Variants in SLC44A1 observed in about 807,000 individuals in gnomAD.
SLC44A1 encodes the protein solute carrier family 44 member 1.
In SLC44A1, 26 loss-of-function variants were observed where a neutral mutation model predicts 79.3. The ratio of observed to expected loss-of-function variants is 0.33; its 90% confidence interval spans 0.24 to 0.46. The LOEUF (loss-of-function observed/expected upper bound fraction) is 0.46. Among genes scored for constraint, SLC44A1 ranks in the 20% least tolerant of loss-of-function variants. The probability of loss-of-function intolerance (pLI) is 1.00; values close to 1 mark genes in which losing one functional copy is unlikely to be tolerated. For missense variants in SLC44A1, 688 were observed against 798.1 expected, an observed-to-expected ratio of 0.86 and a Z score of 1.66; for synonymous variants, 263 against 286.2, an observed-to-expected ratio of 0.92 and a Z score of 0.82.
At chr9:105,432,075 G>C (rs6477444) in intron 15 of SLC44A1, among the ~76,000 whole-genome samples, 19,123 of 152,124 alleles carry the variant, frequency 0.13, 3,157 homozygotes, top group African/African-American at 0.39. Context: ...GCATGCGCCA[G>C]CACTCCTGGC....
At chr9:105,416,582 A>G (rs1829174517) in intron 15 of SLC44A1, among the ~76,000 whole-genome samples, 1 of 152,198 alleles carries the variant, frequency 6.6e-6, no homozygotes. Context: ...AAGTTCCCAG[A>G]AAAGAGACTG....
chr9:105,409,657 C>A (rs1588874166), intron 15 of SLC44A1, among the ~76,000 whole-genome samples: 1 of 152,090 alleles, frequency 6.6e-6, no homozygotes, highest in Non-Finnish European at 1.5e-5. Flanking sequence ...TGCACTCCAG[C>A]CTTGGTGACA....
intron 3 of SLC44A1, among the ~76,000 whole-genome samples, chr9:105,317,190 C>G (rs999320410): frequency 6.6e-6 from 1 of 152,026 alleles, no homozygotes; most frequent in South Asian, 2.1e-4. Flanking sequence ...GCTCATGACT[C>G]CCATCCTCCA....
At chr9:105,252,477 C>G (rs1489579859) in intron 1 of SLC44A1, among the ~76,000 whole-genome samples, 4 of 152,286 alleles carry the variant, frequency 2.6e-5, no homozygotes, top group Admixed American at 2.0e-4. Context: ...CTTTGGAAGA[C>G]TCTTAACAGC....
At chr9:105,360,408 A>G (rs950167717) in intron 7 of SLC44A1, among the ~76,000 whole-genome samples, 2 of 151,990 alleles carry the variant, frequency 1.3e-5, no homozygotes, top group African/African-American at 4.8e-5. Flanking sequence ...TTGTTTCCCT[A>G]TTATTATATA....
intron 15 of SLC44A1, among the ~76,000 whole-genome samples, chr9:105,426,885 G>A (rs7027252): frequency 0.13 from 18,942 of 150,742 alleles, 3,124 homozygotes; most frequent in African/African-American, 0.39. Context: ...TGACCCAAAG[G>A]TAAAGACAAG....
intron 4 of SLC44A1, among the ~76,000 whole-genome samples, chr9:105,345,378 C>T (rs753463869): frequency 1.4e-4 from 21 of 152,096 alleles, no homozygotes; most frequent in South Asian, 2.1e-4. Flanking sequence ...CAGAAAGTAC[C>T]TGGTGGAACT....
chr9:105,305,843 C>CTTTTTTT (rs748755778), intron 2 of SLC44A1, among the ~76,000 whole-genome samples: 3 of 84,968 alleles, frequency 3.5e-5, no homozygotes, highest in Non-Finnish European at 6.3e-5. Flanking sequence ...AAAGTGTGTC[C>CTTTTTTT]TTTTTTTTTT....
chr9:105,337,166 CA>C (rs1401813059), intron 4 of SLC44A1, among the ~76,000 whole-genome samples: 1 of 151,974 alleles, frequency 6.6e-6, no homozygotes, highest in Non-Finnish European at 1.5e-5. Flanking sequence ...AGGGTTTTTC[CA>C]GAATTTTAGA....
chr9:105,271,814 A>G (rs1044128242), intron 1 of SLC44A1, among the ~76,000 whole-genome samples: 2 of 151,968 alleles, frequency 1.3e-5, no homozygotes, highest in African/African-American at 2.4e-5. Flanking sequence ...GGGTTTCGCT[A>G]TGTTGGCCAG....
At chr9:105,309,642 A>G (rs541581812) in intron 2 of SLC44A1, 82 bp from the exon 3 acceptor site, 1 of 1,292,570 alleles carries the variant, frequency 7.7e-7, no homozygotes, top group Non-Finnish European at 1.1e-6. Context: ...AGCAGACAAA[A>G]AGAAGCTCAT....
At chr9:105,348,817 C>A (rs1466440048) in intron 5 of SLC44A1, among the ~76,000 whole-genome samples, 1 of 151,918 alleles carries the variant, frequency 6.6e-6, no homozygotes, top group Non-Finnish European at 1.5e-5. Flanking sequence ...TTTGATTTAT[C>A]CTAGTAATAT....
intron 15 of SLC44A1, among the ~76,000 whole-genome samples, chr9:105,404,233 C>CAAAAA (rs71489339): frequency 4.3e-4 from 19 of 44,348 alleles, no homozygotes; most frequent in African/African-American, 7.9e-4. Flanking sequence ...GGACTCATCT[C>CAAAAA]AAAAAAAAAA....
Position 105,392,417 on chromosome 9 carries a change from T to C in SLC44A1, c.*3361T>C. The C allele has an allele frequency of 1.0e-6, 1 of 978,746 alleles. No homozygotes were observed. The highest frequency in any genetic ancestry group is 1.2e-6 in the Non-Finnish European group (1 of 827,194). 60.6% of individuals were successfully genotyped at this position (978,746 alleles called of 1,614,324 possible). ...TCTCTCTCTCTCTTTTTTTTTTTTT[T>C]TTTTTTTTTTTTTCCGTGAGGGCAT... On this transcript the variant is annotated 3_prime_UTR_variant, in exon 16 of 16. Transcript: ENST00000374720.
chr9:105,378,786 A>G (rs1319529084), intron 13 of SLC44A1, among the ~76,000 whole-genome samples: 34 of 152,186 alleles, frequency 2.2e-4, no homozygotes, highest in African/African-American at 7.2e-5. Context: ...AGAGTTTTTC[A>G]TTACAATTCA....
In SLC44A1 at chr9:105,425,863, C is replaced by A. The variant is rs1047012736; in HGVS notation, c.1951-12418C>A. The stretch of plus-strand genomic sequence containing the variant: ...ACAAAAAACCCTGTATATTTGGGAG[C>A]CTTGAGGCAGAAAATTCTTACTGGA... On this transcript the variant is annotated intron_variant, in intron 15 of 15. Coordinates refer to the SLC44A1 transcript ENST00000374724. Among the ~76,000 whole-genome samples the A allele has an allele frequency of 3.9e-5, 6 of 152,146 alleles. No individual in the cohort carries two copies. In the East Asian group the frequency reaches 1.2e-3, roughly 29 times the overall value.
intron 2 of SLC44A1, among the ~76,000 whole-genome samples, chr9:105,307,807 C>T (rs1831073049): frequency 6.6e-6 from 1 of 152,062 alleles, no homozygotes; most frequent in African/African-American, 2.4e-5. Flanking sequence ...AATATGTATG[C>T]AGAGGATTAA....
At chr9:105,415,520 A>G (rs928440784) in intron 15 of SLC44A1, among the ~76,000 whole-genome samples, 1 of 152,100 alleles carries the variant, frequency 6.6e-6, no homozygotes, top group African/African-American at 2.4e-5. Flanking sequence ...TTCCAGCTGG[A>G]GCAGGATTTT....
intron 9 of SLC44A1, 128 bp downstream of exon 9, chr9:105,363,135 G>A (rs1827832478): frequency 1.4e-6 from 1 of 701,880 alleles, no homozygotes; most frequent in Non-Finnish European, 2.4e-6. Flanking sequence ...AACTTGTAGT[G>A]GTTATGGCTC....
Sources: allele counts gnomAD v4.1 joint callset (sites outside exome capture counted in the v4.1 genomes callset), GRCh38; gene constraint gnomAD v4.1.1; transcripts MANE v1.5; gene names NCBI Gene and HGNC (gene_info 2026-07-23, HGNC 2026-07-21).